Variants in MAST1 observed in about 807,000 individuals in gnomAD.
MAST1 encodes the protein microtubule associated serine/threonine kinase 1, also known as microtubule-associated serine/threonine-protein kinase 1.
Under a neutral mutation model 124.6 loss-of-function variants are expected in MAST1, and 40 were observed. The observed-to-expected ratio is 0.32, with a 90% CI of 0.25 to 0.42. The LOEUF (loss-of-function observed/expected upper bound fraction) is 0.42. Among genes scored for constraint, MAST1 ranks in the 10% least tolerant of loss-of-function variants. The probability of loss-of-function intolerance (pLI) is 1.00; values close to 1 mark genes in which losing one functional copy is unlikely to be tolerated. For synonymous variants in MAST1, 938 were observed against 939.4 expected (o/e 1.00, Z 0.03); for missense variants, 1,558 against 2,181.9 (o/e 0.71, Z 5.70).
In MAST1 at chr19:12,865,880, AG is replaced by A; in HGVS notation, c.1906+64del. On this transcript the variant is annotated intron_variant, in intron 16 of 25. Transcript: ENST00000251472. This position sits in a 1 kb window ranked among gnomAD's most constrained non-coding sequence, Gnocchi z 7.1. ...ATAGAGAGCAGGCCTCCAAAACCCC[AG>A]GCCCAGCCTGTGCTGTGGCCCCGGG... 8.7e-6 allele frequency: 14 copies of A among 1,601,028 alleles called. No homozygotes were observed. The highest frequency in any genetic ancestry group is 1.0e-5 in the Non-Finnish European group (12 of 1,171,062).
intron 3 of MAST1, among the ~76,000 whole-genome samples, chr19:12,842,293 T>TCTC (rs377695991): frequency 9.5e-5 from 14 of 147,650 alleles, no homozygotes; most frequent in African/African-American, 3.6e-4. Context: ...TCTCTCTCTC[T>TCTC]TTTTTTTTTC....
intron 12 of MAST1, among the ~76,000 whole-genome samples, chr19:12,862,265 G>A (rs1367778256): frequency 6.6e-6 from 1 of 152,104 alleles, no homozygotes; most frequent in Non-Finnish European, 1.5e-5. Context: ...TCGGCCTCCC[G>A]AAGTATGGGG....
intron 25 of MAST1, 29 bp downstream of exon 25, chr19:12,873,540 C>T (rs777832807): frequency 9.4e-6 from 15 of 1,588,816 alleles, no homozygotes; most frequent in South Asian, 5.5e-5. Context: ...GCGCGGGGAC[C>T]GAGCAGCGCG....
At chr19:12,857,653 C>A (rs1970032131) in intron 10 of MAST1, among the ~76,000 whole-genome samples, 1 of 152,144 alleles carries the variant, frequency 6.6e-6, no homozygotes, top group South Asian at 2.1e-4. Flanking sequence ...ACCGCATGAT[C>A]CGCCCACCTT....
intron 24 of MAST1, among the ~76,000 whole-genome samples, chr19:12,871,657 C>T (rs1227843348): frequency 6.6e-6 from 1 of 151,422 alleles, no homozygotes; most frequent in East Asian, 1.9e-4. Context: ...GGATGAGTCA[C>T]ACCTGTAATC....
intron 7 of MAST1, among the ~76,000 whole-genome samples, chr19:12,849,574 G>C (rs1464325418): frequency 6.6e-6 from 1 of 151,996 alleles, no homozygotes; most frequent in Admixed American, 6.6e-5. Flanking sequence ...TGAAGCAGGA[G>C]AATCGCTTGA....
chr19:12,853,278 C>A (rs1396518458), intron 10 of MAST1, among the ~76,000 whole-genome samples: 1 of 149,954 alleles, frequency 6.7e-6, no homozygotes, highest in Non-Finnish European at 1.5e-5. Flanking sequence ...GCCTTTTTAA[C>A]CATTTTAAAA....
intron 22 of MAST1, among the ~76,000 whole-genome samples, chr19:12,870,027 A>G (rs1267759200): frequency 6.7e-6 from 1 of 149,736 alleles, no homozygotes; most frequent in African/African-American, 2.5e-5. Flanking sequence ...TAAAAATACA[A>G]AAAATTAGCT....
At position 12,868,840 on chromosome 19, in the gene MAST1, A is replaced by G; in HGVS notation, c.2764A>G (p.Ile922Val). The change falls in exon 21 of 26, where the codon ATT becomes GTT. Residue 922 changes from isoleucine (I) to valine (V), a missense_variant. This residue lies in a region of MAST1 where 291 missense variants were observed against 475.8 expected (regional missense o/e 0.61). Transcript: ENST00000251472. ...CTCAGCCACTGCCTTATCTGTCATGATTCCTGCAGGTAATGCTGGGCCCCA... is the reference window on the plus strand; with the variant it reads ...CTCAGCCACTGCCTTATCTGTCATGGTTCCTGCAGGTAATGCTGGGCCCCA... Reference protein sequence around the residue: ...SASATALSVMIPAVDPHGSSP... With the variant: ...SASATALSVMVPAVDPHGSSP... 1 of 1,580,010 alleles carries G rather than the reference A, an allele frequency of 6.3e-7. No individual in the cohort carries two copies. Among genetic ancestry groups the G allele is most frequent in the Non-Finnish European group, 8.6e-7 (1 of 1,159,976 alleles).
Position 12,865,839 on chromosome 19 carries a change from A to C in MAST1, c.1906+21A>C, listed in dbSNP as rs1165866594. 6.2e-7 allele frequency: 1 copy of C among 1,607,626 alleles called. No individual in the cohort carries two copies. Among genetic ancestry groups the C allele is most frequent in the East Asian group, 2.2e-5 (1 of 44,784 alleles). On this transcript the variant is annotated intron_variant, in intron 16 of 25. Transcript: ENST00000251472. This position sits in a 1 kb window ranked among gnomAD's most constrained non-coding sequence, Gnocchi z 7.1. ...GGCAGGTAAGTCCGCCATGCAGAGG[A>C]GCTGAGGGCCCACTGATAGAGAGCA... is the stretch of plus-strand genomic sequence containing the variant.
Position 12,852,201 on chromosome 19 carries a change from C to T in MAST1, c.963C>T (p.Pro321=). Reference sequence around the variant, plus strand: ...GCCACCTTGTGAAGACGGACATCCCCCGCTACATCATCCGCCAGCTGGGCC... The same window carrying T: ...GCCACCTTGTGAAGACGGACATCCCTCGCTACATCATCCGCCAGCTGGGCC... The part of the protein sequence containing the change: ...KEGHLVKTDI[P]RYIIRQLGLT... Residue 321 remains proline, a synonymous_variant, in exon 9 of 26, where the codon CCC becomes CCT. Transcript: ENST00000251472. 1.9e-6 allele frequency: 3 copies of T among 1,614,116 alleles called. No homozygotes were observed. The highest frequency in any genetic ancestry group is 2.7e-5 in the African/African-American group (2 of 75,062).
At chr19:12,846,870 C>CAAAAAAA (rs386388580) in intron 4 of MAST1, among the ~76,000 whole-genome samples, 31 of 47,316 alleles carry the variant, frequency 6.6e-4, no homozygotes, top group East Asian at 2.1e-3. Context: ...AACTCCATCT[C>CAAAAAAA]AAAAAAAAAA....
At chr19:12,856,059 C>G (rs1336737828) in intron 10 of MAST1, among the ~76,000 whole-genome samples, 1 of 151,796 alleles carries the variant, frequency 6.6e-6, no homozygotes, top group Non-Finnish European at 1.5e-5. Flanking sequence ...ACCTCTTACA[C>G]TCTGCCCAAT....
intron 12 of MAST1, 162 bp downstream of exon 12, chr19:12,858,901 A>G: frequency 4.5e-6 from 3 of 671,108 alleles, no homozygotes; most frequent in Admixed American, 2.7e-5. Context: ...CATTCTACCT[A>G]TATATTTATT....
chr19:12,854,907 C>T (rs1599582855), intron 10 of MAST1, among the ~76,000 whole-genome samples: 1 of 152,134 alleles, frequency 6.6e-6, no homozygotes, highest in East Asian at 1.9e-4. Flanking sequence ...AATGGCCACA[C>T]ATGTGTTTTC....
intron 12 of MAST1, 109 bp downstream of exon 12, chr19:12,858,848 G>A: frequency 1.0e-6 from 1 of 999,056 alleles, no homozygotes; most frequent in Non-Finnish European, 1.5e-6. Flanking sequence ...CGGCCTGTAT[G>A]TTTATCCATC....
intron 12 of MAST1, among the ~76,000 whole-genome samples, chr19:12,862,751 T>A (rs1178643551): frequency 6.8e-6 from 1 of 146,766 alleles, no homozygotes; most frequent in East Asian, 2.1e-4. Flanking sequence ...CACCGCAACC[T>A]CCTCCTCCCG....
Position 12,866,401 on chromosome 19 carries a change from G to A in MAST1, c.2030-252G>A, listed in dbSNP as rs1356538855. ...GAGGTACTAGCGCTCAGAATGGCCT[G>A]GGGTGATGCCAGGGTGCAGAGCACT... On this transcript the variant is annotated intron_variant, in intron 17 of 25. Transcript: ENST00000251472. The surrounding 1 kb of genome is among the most constrained non-coding windows in gnomAD (Gnocchi z 5.2). 6.6e-6 allele frequency among the ~76,000 whole-genome samples: 1 copy of A among 152,148 alleles called. No homozygotes were observed. The highest frequency in any genetic ancestry group is 1.9e-4 in the East Asian group (1 of 5,196).
At chr19:12,844,171 C>T (rs1969864381) in intron 4 of MAST1, among the ~76,000 whole-genome samples, 1 of 152,206 alleles carries the variant, frequency 6.6e-6, no homozygotes, top group Non-Finnish European at 1.5e-5. Flanking sequence ...TCATTTACAG[C>T]TGGTGACATA....
Sources: allele counts gnomAD v4.1 joint callset (sites outside exome capture counted in the v4.1 genomes callset), GRCh38; gene constraint gnomAD v4.1.1; regional missense constraint gnomAD v4.1.1; non-coding constraint Gnocchi (gnomAD v3.1); transcripts MANE v1.5; gene names NCBI Gene and HGNC (gene_info 2026-07-23, HGNC 2026-07-21).